The following SMC1B variants were observed in gnomAD, a reference collection of about 807,000 sequenced individuals.
SMC1B encodes structural maintenance of chromosomes protein 1B.
A neutral mutation model predicts 157.9 loss-of-function variants in SMC1B; 60 were observed. The ratio of observed to expected loss-of-function variants is 0.38; its 90% confidence interval spans 0.31 to 0.47. The LOEUF (loss-of-function observed/expected upper bound fraction) is 0.47. Ranked by LOEUF, SMC1B falls within the 20% of genes least tolerant of loss-of-function variation. The pLI is 0.99. For missense variants in SMC1B, 1,165 were observed against 1,426.2 expected (o/e 0.82, Z 2.95); for synonymous variants, 445 against 483.0 (o/e 0.92, Z 1.03).
intron 12 of SMC1B, among the ~76,000 whole-genome samples, chr22:45,372,800 C>T (rs1211633593): frequency 6.7e-6 from 1 of 148,462 alleles, no homozygotes; most frequent in African/African-American, 2.5e-5. Context: ...GCAAGCTCCG[C>T]CTCCCAGGTT....
At chr22:45,356,611 A>G (rs1355755531) in intron 19 of SMC1B, among the ~76,000 whole-genome samples, 5 of 152,166 alleles carry the variant, frequency 3.3e-5, no homozygotes, top group Non-Finnish European at 2.9e-5. Flanking sequence ...TAGGCAGGAA[A>G]CAGTCAATTA....
chr22:45,368,170 A>C (rs1380779764), intron 15 of SMC1B, among the ~76,000 whole-genome samples: 2 of 152,192 alleles, frequency 1.3e-5, no homozygotes, highest in East Asian at 3.8e-4. Flanking sequence ...TATCTTAACT[A>C]TTCACATCTT....
intron 21 of SMC1B, among the ~76,000 whole-genome samples, chr22:45,353,135 T>C (rs959844697): frequency 5.3e-5 from 8 of 151,812 alleles, no homozygotes; most frequent in African/African-American, 1.9e-4. Context: ...GCCAGGCTTG[T>C]TGGTATGCGC....
intron 12 of SMC1B, among the ~76,000 whole-genome samples, chr22:45,376,716 G>GT (rs77842489): frequency 0.18 from 18,018 of 98,914 alleles, 1,157 homozygotes; most frequent in South Asian, 0.3. Flanking sequence ...ATTAAATATA[G>GT]TTTTTTTTTT....
In SMC1B at chr22:45,408,818, G is replaced by C. The variant is rs1343430540; in HGVS notation, c.190C>G (p.Leu64Val). 6.4e-7 allele frequency: 1 copy of C among 1,572,780 alleles called. No individual in the cohort carries two copies. The highest frequency in any genetic ancestry group is 8.6e-7 in the Non-Finnish European group (1 of 1,162,780). The stretch of plus-strand genomic sequence containing the variant: ...TTTCCAATATGTGCTCCATGAATGA[G>C]TTCTTGAATATTTTTCACTCTTAAA... ...ANLRVKNIQE[L>V]IHGAHIGKPI... The change falls in exon 2 of 25, where the codon CTC becomes GTC. Residue 64 changes from leucine (L) to valine (V), a missense_variant. Transcript: ENST00000357450.
At position 45,388,830 on chromosome 22, in the gene SMC1B, G is replaced by GA. The variant is rs547130823; in HGVS notation, c.1731+881dup. Among the ~76,000 whole-genome samples the GA allele has an allele frequency of 2.0e-3, 304 of 150,790 alleles. 1 individual carries two copies. Among genetic ancestry groups the GA allele is most frequent in the Non-Finnish European group, 3.0e-3 (205 of 67,628 alleles). ...GTCTCTACTAAAAATACAAAAAAAA[G>GA]AAAAAAAATCAGCCGGGCGTGCTGG... On this transcript the variant is annotated intron_variant, in intron 10 of 24. Coordinates refer to ENST00000357450, the MANE Select transcript of SMC1B (RefSeq NM_148674.5).
intron 11 of SMC1B, among the ~76,000 whole-genome samples, chr22:45,384,174 A>C (rs1422937251): frequency 6.6e-6 from 1 of 152,078 alleles, no homozygotes; most frequent in East Asian, 1.9e-4. Flanking sequence ...GAATTATTAT[A>C]TTTCCTCTTA....
intron 15 of SMC1B, among the ~76,000 whole-genome samples, chr22:45,364,662 T>C (rs1322139003): frequency 6.6e-6 from 1 of 152,136 alleles, no homozygotes; most frequent in Non-Finnish European, 1.5e-5. Context: ...AATTTATTTG[T>C]GCTGCAGGAG....
chr22:45,344,694 T>C, intron 24 of SMC1B, 37 bp from the exon 25 acceptor site: 1 of 1,442,558 alleles, frequency 6.9e-7, no homozygotes. Flanking sequence ...GTTCCCCTAA[T>C]TAGGGAAAAA....
intron 15 of SMC1B, among the ~76,000 whole-genome samples, chr22:45,364,513 G>A (rs2086753705): frequency 6.6e-6 from 1 of 152,172 alleles, no homozygotes; most frequent in Non-Finnish European, 1.5e-5. Context: ...CAGATGAGAA[G>A]ACCAAGGAAC....
intron 21 of SMC1B, 106 bp from the exon 22 acceptor site, chr22:45,352,708 G>T: frequency 9.1e-7 from 1 of 1,095,332 alleles, no homozygotes; most frequent in Non-Finnish European, 1.3e-6. Context: ...CTTCAATTTT[G>T]ATGGAAAACT....
Position 45,385,141 on chromosome 22 carries a change from T to C in SMC1B, c.1912-1528A>G, listed in dbSNP as rs7284086. On this transcript the variant is annotated intron_variant, in intron 11 of 24. Transcript: ENST00000357450. ...GAATAATTACATGTATGTAAAGAGA[T>C]TCAGGATTTTTAAATTTTGGTACAT... Among the ~76,000 whole-genome samples, 265 of 152,264 alleles carry C rather than the reference T, an allele frequency of 1.7e-3. 1 individual carries two copies. Among genetic ancestry groups the C allele is most frequent in the Non-Finnish European group, 3.2e-3 (220 of 67,972 alleles).
At chr22:45,363,421 C>T (rs1387865731) in intron 15 of SMC1B, among the ~76,000 whole-genome samples, 3 of 152,186 alleles carry the variant, frequency 2.0e-5, no homozygotes, top group Non-Finnish European at 4.4e-5. Flanking sequence ...GTGGCTCATG[C>T]CTGTAATCCC....
intron 23 of SMC1B, among the ~76,000 whole-genome samples, chr22:45,347,398 A>C (rs1352409258): frequency 6.6e-6 from 1 of 152,198 alleles, no homozygotes; most frequent in Non-Finnish European, 1.5e-5. Flanking sequence ...AGAAATGCTC[A>C]AAGACTACAT....
At position 45,406,773 on chromosome 22, in the gene SMC1B, G is replaced by A; in HGVS notation, c.391C>T (p.Gln131Ter). The change falls in exon 3 of 25, where the codon CAA becomes TAA. Residue 131 changes from glutamine to a stop codon, truncating the protein, a stop_gained. Coordinates refer to ENST00000357450, the MANE Select transcript of SMC1B (RefSeq NM_148674.5). LOFTEE classifies it high-confidence loss of function. ...CTTACCTGAAAAACCAAACAATTTT[G>A]TGCTTTGACTATTATGCCTATCTTT... ...LEKIGIIVKA[Q>*]NCLVFQGTVE... 1 of 1,593,606 alleles carries A rather than the reference G, an allele frequency of 6.3e-7. No homozygotes were observed. The highest frequency in any genetic ancestry group is 8.5e-7 in the Non-Finnish European group (1 of 1,175,026).
intron 12 of SMC1B, among the ~76,000 whole-genome samples, chr22:45,381,130 G>A (rs1197759931): frequency 6.6e-6 from 1 of 151,926 alleles, no homozygotes; most frequent in Non-Finnish European, 1.5e-5. Flanking sequence ...AAATCTTTTT[G>A]TGCGCTGGGG....
intron 23 of SMC1B, among the ~76,000 whole-genome samples, chr22:45,346,198 C>A (rs920069055): frequency 6.6e-6 from 1 of 152,210 alleles, no homozygotes; most frequent in Non-Finnish European, 1.5e-5. Context: ...GAGTGAAAGA[C>A]TCCATCTAAC....
intron 7 of SMC1B, 121 bp from the exon 8 acceptor site, chr22:45,394,888 A>G: frequency 8.8e-7 from 1 of 1,135,312 alleles, no homozygotes; most frequent in Non-Finnish European, 1.1e-6. Context: ...AAATATAATT[A>G]TATGAAAACA....
intron 12 of SMC1B, among the ~76,000 whole-genome samples, chr22:45,374,211 G>T (rs911018455): frequency 2.0e-5 from 3 of 149,924 alleles, no homozygotes; most frequent in Non-Finnish European, 4.4e-5. Context: ...AAGAAAAAGG[G>T]ATGTTCAGGA....
Sources: gnomAD v4.1 joint callset for allele counts (sites outside exome capture counted in the v4.1 genomes callset) on GRCh38, gnomAD v4.1.1 for gene constraint, MANE v1.5 for transcripts, NCBI Gene and HGNC (gene_info 2026-07-23, HGNC 2026-07-21) for gene names.